GLRA2: variants seen among roughly 807,000 people sequenced by gnomAD.
GLRA2 encodes the protein glycine receptor subunit alpha-2.
Under a neutral mutation model 31.6 loss-of-function variants are expected in GLRA2, and 11 were observed. That is an observed-to-expected ratio of 0.35 (90% confidence interval 0.22 to 0.58). The LOEUF is 0.58. Among genes scored for constraint, GLRA2 ranks in the 20% least tolerant of loss-of-function variants. The pLI is 0.84. For synonymous variants in GLRA2, 132 were observed against 134.0 expected, an observed-to-expected ratio of 0.99 and a Z score of 0.10; for missense variants, 212 against 351.8, an observed-to-expected ratio of 0.60 and a Z score of 3.18.
chrX:14,647,877 C>T (rs948723269), intron 7 of GLRA2, among the ~76,000 whole-genome samples: 11 of 112,022 alleles, frequency 9.8e-5, no homozygotes, highest in African/African-American at 3.6e-4. Flanking sequence ...GAATTGTCCA[C>T]TTTAAGTGTT....
the GLRA2 span, among the ~76,000 whole-genome samples, chrX:14,520,202 A>G: frequency 8.9e-6 from 1 of 111,911 alleles, no homozygotes; most frequent in Admixed American, 9.5e-5. Context: ...CCCAAAATAC[A>G]TTTTCAGCGA....
intron 8 of GLRA2, among the ~76,000 whole-genome samples, chrX:14,729,409 C>T (rs1163328341): frequency 9.0e-6 from 1 of 111,126 alleles, no homozygotes; most frequent in African/African-American, 3.3e-5. Context: ...TACCCAGATC[C>T]CATACATTTT....
chrX:14,684,781 T>A (rs2091257140), intron 7 of GLRA2, among the ~76,000 whole-genome samples: 2 of 111,657 alleles, frequency 1.8e-5, no homozygotes, highest in African/African-American at 6.5e-5. Flanking sequence ...TTTGACTTCC[T>A]CTTTTCCTAA....
intron 2 of GLRA2, among the ~76,000 whole-genome samples, chrX:14,544,275 T>C (rs1166709864): frequency 8.9e-6 from 1 of 112,163 alleles, no homozygotes; most frequent in East Asian, 2.8e-4. Flanking sequence ...AATCACCTAC[T>C]GTTTTAGTCT....
the GLRA2 span, among the ~76,000 whole-genome samples, chrX:14,448,837 TAGAG>T: frequency 9.1e-6 from 1 of 110,150 alleles, no homozygotes; most frequent in East Asian, 2.9e-4. Context: ...CACTCGTGCC[TAGAG>T]AGAGAAAGAG....
chrX:14,492,645 T>G, the GLRA2 span, among the ~76,000 whole-genome samples: 3 of 111,659 alleles, frequency 2.7e-5, no homozygotes, highest in African/African-American at 9.7e-5. Flanking sequence ...TCTCACACAT[T>G]ACTGATGGGA....
Position 14,731,259 on chromosome X carries a change from T to G in GLRA2, c.*774T>G, listed in dbSNP as rs896614698. 1 of 112,642 alleles carries G rather than the reference T, an allele frequency of 8.9e-6. No homozygotes were observed. Among genetic ancestry groups the G allele is most frequent in the African/African-American group, 3.2e-5 (1 of 30,975 alleles). The allele number at this position is 112,642 out of a possible 1,213,427, so 9.3% of individuals were successfully genotyped here. ...AAATTTTGAAACTTAAATTGTGTATTGTGTAATTAATTTGATAGTGTACCC... is the reference window on the plus strand; with the variant it reads ...AAATTTTGAAACTTAAATTGTGTATGGTGTAATTAATTTGATAGTGTACCC... On this transcript the variant is annotated 3_prime_UTR_variant, in exon 9 of 9. Transcript: ENST00000218075.
chrX:14,622,946 G>A (rs1349446784), intron 7 of GLRA2, among the ~76,000 whole-genome samples: 1 of 111,724 alleles, frequency 9.0e-6, no homozygotes, highest in Non-Finnish European at 1.9e-5. Context: ...GGGCAGTATG[G>A]CCATTTTCAC....
At chrX:14,704,841 C>T (rs1750149558) in intron 8 of GLRA2, among the ~76,000 whole-genome samples, 1 of 111,671 alleles carries the variant, frequency 9.0e-6, no homozygotes, top group Admixed American at 9.5e-5. Context: ...TGCTTGAAAC[C>T]TGTTTTCACA....
intron 7 of GLRA2, among the ~76,000 whole-genome samples, chrX:14,681,907 AAAAATATATATAT>A (rs2091209042): frequency 1.3e-5 from 1 of 75,153 alleles, no homozygotes; most frequent in Non-Finnish European, 2.6e-5. Context: ...AAAAAAAAAA[AAAAATATATATAT>A]ATATATATAT....
the GLRA2 span, among the ~76,000 whole-genome samples, chrX:14,469,676 C>G: frequency 1.3e-5 from 1 of 79,761 alleles, no homozygotes; most frequent in Admixed American, 1.8e-4. Context: ...AGGGGAACAT[C>G]ACACTCTGGG....
At chrX:14,613,308 T>C (rs1477078210) in intron 7 of GLRA2, among the ~76,000 whole-genome samples, 1 of 111,713 alleles carries the variant, frequency 9.0e-6, no homozygotes, top group Non-Finnish European at 1.9e-5. Context: ...GAAGATGTCC[T>C]GTTCTTTGGA....
intron 2 of GLRA2, among the ~76,000 whole-genome samples, chrX:14,559,284 A>C (rs1360523403): frequency 1.8e-5 from 2 of 111,748 alleles, no homozygotes; most frequent in Non-Finnish European, 3.8e-5. Context: ...AATGTCAGCA[A>C]ACAAGCTGAA....
rs926634573 is a variant in GLRA2 at position 14,653,476 on chromosome X, T to C, written c.931-37234T>C. On this transcript the variant is annotated intron_variant, in intron 7 of 8. Coordinates refer to ENST00000218075, the MANE Select transcript of GLRA2 (RefSeq NM_002063.4). Reference sequence around the variant, plus strand: ...GTGGAGGAATTCACTGCAGGTGTGGTGGAAATAGCAAGAAAACTAGAATTA... The same window carrying C: ...GTGGAGGAATTCACTGCAGGTGTGGCGGAAATAGCAAGAAAACTAGAATTA... Among the ~76,000 whole-genome samples, 5 of 111,606 alleles carry C rather than the reference T, an allele frequency of 4.5e-5. No individual in the cohort carries two copies. The Admixed American group carries it at 4.8e-4, about 11-fold the overall frequency.
At chrX:14,720,897 CA>C (rs1163866781) in intron 8 of GLRA2, among the ~76,000 whole-genome samples, 2 of 110,264 alleles carry the variant, frequency 1.8e-5, no homozygotes, top group African/African-American at 6.6e-5. Flanking sequence ...TTTAGGAGAC[CA>C]AGATGGGAGG....
intron 7 of GLRA2, among the ~76,000 whole-genome samples, chrX:14,653,898 G>C (rs1211757751): frequency 8.9e-6 from 1 of 112,269 alleles, no homozygotes; most frequent in Non-Finnish European, 1.9e-5. Context: ...GCTAAGTAGG[G>C]AGGATCACTT....
chrX:14,537,069 A>T (rs1340625085), intron 2 of GLRA2, among the ~76,000 whole-genome samples: 6 of 111,358 alleles, frequency 5.4e-5, no homozygotes, highest in Non-Finnish European at 9.4e-5. Flanking sequence ...GGAACCATTC[A>T]TTGAAGAAAT....
chrX:14,594,747 A>G (rs778499463), intron 4 of GLRA2, among the ~76,000 whole-genome samples: 9 of 111,645 alleles, frequency 8.1e-5, no homozygotes, highest in Non-Finnish European at 1.5e-4. Flanking sequence ...ACAGATGGGA[A>G]CAGATATTGT....
chrX:14,696,783 G>T (rs1046769562), intron 8 of GLRA2, among the ~76,000 whole-genome samples: 1 of 112,109 alleles, frequency 8.9e-6, no homozygotes, highest in Non-Finnish European at 1.9e-5. Context: ...ATTAAAAGAT[G>T]TTTTAGAGAT....
Sources: gnomAD v4.1 joint callset for allele counts (sites outside exome capture counted in the v4.1 genomes callset) on GRCh38, gnomAD v4.1.1 for gene constraint, MANE v1.5 for transcripts, NCBI Gene and HGNC (gene_info 2026-07-23, HGNC 2026-07-21) for gene names.